Variants in ST18 observed in about 807,000 individuals in gnomAD.
ST18 encodes ST18 C2H2C-type zinc finger transcription factor.
A neutral mutation model predicts 110.0 loss-of-function variants in ST18; 50 were observed. The ratio of observed to expected loss-of-function variants is 0.45; its 90% CI spans 0.36 to 0.58. The LOEUF is 0.58. ST18 is among the 20% of genes least tolerant of loss of function. ST18 has a pLI of 0.00. For missense variants in ST18, 1,306 were observed against 1,280.1 expected (o/e 1.02, Z -0.31); for synonymous variants, 461 against 452.4 (o/e 1.02, Z -0.24).
intron 2 of ST18, among the ~76,000 whole-genome samples, chr8:52,246,835 A>G (rs550978195): frequency 6.6e-6 from 1 of 152,306 alleles, no homozygotes; most frequent in South Asian, 2.1e-4. Flanking sequence ...TTAATTTTTC[A>G]CATAAGTTAT....
chr8:52,337,745 A>C (rs1446641319), intron 2 of ST18, among the ~76,000 whole-genome samples: 1 of 152,370 alleles, frequency 6.6e-6, no homozygotes, highest in East Asian at 1.9e-4. Flanking sequence ...CTCTATCTAC[A>C]TCAAAGCCCT....
chr8:52,399,638 G>T (rs577686832), intron 2 of ST18, among the ~76,000 whole-genome samples: 1 of 151,836 alleles, frequency 6.6e-6, no homozygotes, highest in South Asian at 2.1e-4. Flanking sequence ...TGTTTCCATT[G>T]TCATTTTTCT....
intron 8 of ST18, among the ~76,000 whole-genome samples, chr8:52,202,319 A>G (rs2078267903): frequency 6.6e-6 from 1 of 152,238 alleles, no homozygotes; most frequent in Non-Finnish European, 1.5e-5. Context: ...TTTCTCTAGT[A>G]ACATCATGTA....
At chr8:52,202,614 A>T (rs1179454290) in intron 8 of ST18, among the ~76,000 whole-genome samples, 1 of 152,218 alleles carries the variant, frequency 6.6e-6, no homozygotes, top group Non-Finnish European at 1.5e-5. Flanking sequence ...ATGGGAAAAA[A>T]TCTTAGTCTG....
chr8:52,170,471 T>C (rs2064495933), intron 10 of ST18, among the ~76,000 whole-genome samples: 1 of 150,636 alleles, frequency 6.6e-6, no homozygotes, highest in South Asian at 2.1e-4. Context: ...AATAAATAAA[T>C]AAATAAATAA....
chr8:52,175,103 G>A (rs2066388719), intron 9 of ST18, among the ~76,000 whole-genome samples: 1 of 152,064 alleles, frequency 6.6e-6, no homozygotes, highest in Admixed American at 6.5e-5. Flanking sequence ...AAGCTCGGTG[G>A]GGCTGCGTCA....
intron 12 of ST18, 53 bp downstream of exon 12, chr8:52,165,082 C>G (rs369709126): frequency 6.4e-7 from 1 of 1,553,010 alleles, no homozygotes; most frequent in Non-Finnish European, 8.9e-7. Context: ...ATTGGTGGAA[C>G]GTTTCTACCA....
intron 5 of ST18, among the ~76,000 whole-genome samples, chr8:52,218,389 T>C (rs954662331): frequency 1.2e-5 from 1 of 85,134 alleles, no homozygotes; most frequent in Non-Finnish European, 2.4e-5. Context: ...TTTTTTTTTC[T>C]TTTTTTTTTT....
chr8:52,337,985 A>G (rs1470729018), intron 2 of ST18, among the ~76,000 whole-genome samples: 1 of 152,236 alleles, frequency 6.6e-6, no homozygotes, highest in African/African-American at 2.4e-5. Context: ...GTCAGGATGA[A>G]TTAGATGGCA....
chr8:52,288,043 T>G (rs1004685809), intron 2 of ST18, among the ~76,000 whole-genome samples: 1 of 152,168 alleles, frequency 6.6e-6, no homozygotes, highest in African/African-American at 2.4e-5. Context: ...AAACTTTCTT[T>G]CTCCAACTAA....
chr8:52,278,311 G>A (rs536787605), intron 2 of ST18, among the ~76,000 whole-genome samples: 76 of 152,148 alleles, frequency 5.0e-4, no homozygotes, highest in African/African-American at 1.8e-3. Flanking sequence ...GAGAGTCAAT[G>A]GTGTAAAAAT....
At chr8:52,133,664 C>T (rs1011783974) in intron 19 of ST18, among the ~76,000 whole-genome samples, 5 of 151,182 alleles carry the variant, frequency 3.3e-5, no homozygotes, top group East Asian at 1.9e-4. Flanking sequence ...CTTCTGTCTA[C>T]ATCATGCAAA....
intron 2 of ST18, among the ~76,000 whole-genome samples, chr8:52,251,644 C>A (rs1274101607): frequency 1.3e-5 from 2 of 152,006 alleles, no homozygotes; most frequent in Non-Finnish European, 1.5e-5. Context: ...ATCAATTGGT[C>A]CAGATTTCAG....
chr8:52,293,592 T>A (rs186724629), intron 2 of ST18, among the ~76,000 whole-genome samples: 14 of 152,338 alleles, frequency 9.2e-5, no homozygotes, highest in Admixed American at 3.3e-4. Flanking sequence ...ATTTCTTACA[T>A]CCAGAGCATG....
At chr8:52,329,358 G>A (rs1195097838) in intron 2 of ST18, among the ~76,000 whole-genome samples, 2 of 151,916 alleles carry the variant, frequency 1.3e-5, no homozygotes, top group African/African-American at 2.4e-5. Context: ...TGTGAGTGCA[G>A]GCTTCATGGA....
chr8:52,396,431 G>A (rs1004454195), intron 2 of ST18, among the ~76,000 whole-genome samples: 3 of 152,080 alleles, frequency 2.0e-5, no homozygotes, highest in Non-Finnish European at 2.9e-5. Flanking sequence ...TCCATGTGGT[G>A]GCAAATGGCA....
chr8:52,299,171 C>A (rs957892846), intron 2 of ST18, among the ~76,000 whole-genome samples: 1 of 152,128 alleles, frequency 6.6e-6, no homozygotes, highest in African/African-American at 2.4e-5. Context: ...TACACACGCA[C>A]ACACACATAT....
intron 2 of ST18, among the ~76,000 whole-genome samples, chr8:52,254,626 AC>A (rs2094467363): frequency 6.6e-6 from 1 of 152,230 alleles, no homozygotes; most frequent in Non-Finnish European, 1.5e-5. Context: ...AGGGATGATA[AC>A]AATGGCTCAA....
intron 13 of ST18, among the ~76,000 whole-genome samples, chr8:52,162,787 C>G (rs2133255093): frequency 6.6e-6 from 1 of 152,218 alleles, no homozygotes; most frequent in South Asian, 2.1e-4. Flanking sequence ...AACAAATATA[C>G]CTTTCAAAAT....
Sources: gnomAD v4.1 joint callset for allele counts (sites outside exome capture counted in the v4.1 genomes callset) on GRCh38, gnomAD v4.1.1 for gene constraint, MANE v1.5 for transcripts, NCBI Gene and HGNC (gene_info 2026-07-23, HGNC 2026-07-21) for gene names.